Variants in ARHGEF3 observed in about 807,000 individuals in gnomAD.
ARHGEF3 encodes Rho guanine nucleotide exchange factor 3, also known as 59.8 kDA protein.
In ARHGEF3, 28 loss-of-function variants were observed where a neutral mutation model predicts 63.2. The ratio of observed to expected loss-of-function variants is 0.44; its 90% CI spans 0.33 to 0.61. The LOEUF is 0.61. Ranked by LOEUF, ARHGEF3 falls within the 20% of genes least tolerant of loss-of-function variation. The pLI, the probability that ARHGEF3 is intolerant of heterozygous loss-of-function variation, is 0.03. For synonymous variants in ARHGEF3, 266 were observed against 254.2 expected (o/e 1.05, Z -0.44); for missense variants, 533 against 659.3 (o/e 0.81, Z 2.10).
In ARHGEF3 at chr3:56,733,472, T is replaced by TA. The variant is rs998501436; in HGVS notation, c.1042-1049dup. Among the ~76,000 whole-genome samples, 190 of 139,458 alleles carry TA rather than the reference T, an allele frequency of 1.4e-3. 1 individual carries two copies. Among genetic ancestry groups the TA allele is most frequent in the Non-Finnish European group, 1.7e-3 (106 of 63,788 alleles). The allele number at this position is 139,458 out of a possible 152,430, so 91.5% of individuals were successfully genotyped here. ...GCCTGGGTGACAGAGCAAGACTGTT[T>TA]AAAAAAAAAAAGAAAAAAATTCTAA... On this transcript the variant is annotated intron_variant, in intron 8 of 9. Coordinates refer to ENST00000296315, the MANE Select transcript of ARHGEF3 (RefSeq NM_019555.3).
chr3:57,024,551 G>C (rs1046922999), intron 2 of ARHGEF3, among the ~76,000 whole-genome samples: 2 of 152,008 alleles, frequency 1.3e-5, no homozygotes, highest in South Asian at 2.1e-4. Flanking sequence ...GCAGTGGTGC[G>C]ATCTCGGCTC....
intron 1 of ARHGEF3, among the ~76,000 whole-genome samples, chr3:57,037,689 A>G (rs1267424702): frequency 6.6e-6 from 1 of 152,190 alleles, no homozygotes; most frequent in African/African-American, 2.4e-5. Context: ...CCTGGCTAAC[A>G]CGGTGAAAAC....
chr3:57,035,405 A>C (rs1054151635), intron 1 of ARHGEF3, among the ~76,000 whole-genome samples: 19 of 152,184 alleles, frequency 1.2e-4, no homozygotes, highest in Admixed American at 8.5e-4. Flanking sequence ...GCTGCAGTGC[A>C]GTGGCACAAT....
intron 1 of ARHGEF3, among the ~76,000 whole-genome samples, chr3:56,799,585 C>A (rs1013108950): frequency 3.3e-5 from 5 of 152,206 alleles, no homozygotes; most frequent in African/African-American, 1.2e-4. Context: ...AAAAGGCTGA[C>A]AAGCGAATGC....
At chr3:56,926,843 T>C (rs1027323207) in intron 3 of ARHGEF3, among the ~76,000 whole-genome samples, 12 of 149,656 alleles carry the variant, frequency 8.0e-5, no homozygotes, top group African/African-American at 2.9e-4. Flanking sequence ...ACAAAGAGCC[T>C]CCTGGGTTGG....
At chr3:57,078,965 C>T (rs2107439906) in intron 1 of ARHGEF3, 1 of 325,498 alleles carries the variant, frequency 3.1e-6, no homozygotes, top group South Asian at 1.6e-4. Flanking sequence ...CACTGCCCAC[C>T]TGCGCTGCGC....
At chr3:56,966,971 C>G (rs1206520429) in intron 2 of ARHGEF3, among the ~76,000 whole-genome samples, 2 of 150,804 alleles carry the variant, frequency 1.3e-5, no homozygotes, top group African/African-American at 2.4e-5. Flanking sequence ...TCAAGTGATT[C>G]TCCTACCTCA....
chr3:57,020,301 T>A (rs1156887562), intron 2 of ARHGEF3, among the ~76,000 whole-genome samples: 1 of 152,134 alleles, frequency 6.6e-6, no homozygotes, highest in Non-Finnish European at 1.5e-5. Flanking sequence ...CCCTGCCACC[T>A]CCCCTCTCAC....
intron 3 of ARHGEF3, chr3:56,938,618 T>C (rs999860414): frequency 2.6e-5 from 4 of 152,184 alleles, no homozygotes; most frequent in African/African-American, 7.2e-5. Context: ...GCACGTAACA[T>C]ACATGAGGCC....
At chr3:57,067,292 A>C (rs1293522284) in intron 1 of ARHGEF3, among the ~76,000 whole-genome samples, 2 of 151,718 alleles carry the variant, frequency 1.3e-5, no homozygotes, top group Non-Finnish European at 2.9e-5. Flanking sequence ...TCTTCTAAAA[A>C]TACAAAAACA....
intron 2 of ARHGEF3, among the ~76,000 whole-genome samples, chr3:56,992,022 CTCTGTGTGTG>C (rs1439171026): frequency 1.4e-5 from 1 of 71,102 alleles, no homozygotes; most frequent in Non-Finnish European, 2.7e-5. Flanking sequence ...CCCCTCCTCT[CTCTGTGTGTG>C]TGTGTGTGTG....
At chr3:56,762,257 G>C (rs1054791267) in intron 2 of ARHGEF3, among the ~76,000 whole-genome samples, 13 of 152,144 alleles carry the variant, frequency 8.5e-5, no homozygotes, top group Non-Finnish European at 1.5e-4. Flanking sequence ...CCTGGGTGTG[G>C]GGATGCTGGG....
At chr3:57,068,799 C>T (rs1283390861) in intron 1 of ARHGEF3, among the ~76,000 whole-genome samples, 1 of 152,100 alleles carries the variant, frequency 6.6e-6, no homozygotes, top group African/African-American at 2.4e-5. Flanking sequence ...TGTTTTTCCC[C>T]TAACTTTCCA....
intron 1 of ARHGEF3, among the ~76,000 whole-genome samples, chr3:57,056,247 T>G (rs562746319): frequency 6.6e-6 from 1 of 151,626 alleles, no homozygotes; most frequent in South Asian, 2.1e-4. Context: ...ATTAGCCAGG[T>G]GTGACAGCAC....
At chr3:56,914,498 G>A (rs1318007393) in intron 3 of ARHGEF3, among the ~76,000 whole-genome samples, 1 of 152,222 alleles carries the variant, frequency 6.6e-6, no homozygotes. Context: ...TTGTAATACA[G>A]AGGGTAGTTT....
chr3:56,796,609 C>G (rs949469787), intron 1 of ARHGEF3, among the ~76,000 whole-genome samples: 1 of 152,176 alleles, frequency 6.6e-6, no homozygotes, highest in African/African-American at 2.4e-5. Flanking sequence ...TACCCAGACA[C>G]TCAGGAAAAA....
intron 6 of ARHGEF3, among the ~76,000 whole-genome samples, chr3:56,749,722 T>G (rs2034611010): frequency 6.6e-6 from 1 of 152,226 alleles, no homozygotes; most frequent in Non-Finnish European, 1.5e-5. Flanking sequence ...TCTTGAAATA[T>G]TAAGGCATAT....
rs2032845373 is a variant in ARHGEF3 at position 56,728,065 on chromosome 3, A to C, written c.*1205T>G. On this transcript the variant is annotated 3_prime_UTR_variant, in exon 10 of 10. Transcript: ENST00000296315. The stretch of plus-strand genomic sequence containing the variant: ...CTCTTCTAGGTACTTAGCTGTTTTT[A>C]AGGTCTGCACTTTACCCTGCACTGT... 1 of 152,664 alleles carries C rather than the reference A, an allele frequency of 6.6e-6. No homozygotes were observed. The highest frequency in any genetic ancestry group is 1.5e-5 in the Non-Finnish European group (1 of 68,050). The allele number at this position is 152,664 out of a possible 1,614,324, so 9.5% of individuals were successfully genotyped here.
intron 4 of ARHGEF3, among the ~76,000 whole-genome samples, chr3:56,826,867 T>C (rs2038732295): frequency 6.6e-6 from 1 of 152,258 alleles, no homozygotes; most frequent in South Asian, 2.1e-4. Context: ...ATATTCTTCA[T>C]ATGCCAACTC....
Sources: allele counts gnomAD v4.1 joint callset (sites outside exome capture counted in the v4.1 genomes callset), GRCh38; gene constraint gnomAD v4.1.1; transcripts MANE v1.5; gene names NCBI Gene and HGNC (gene_info 2026-07-23, HGNC 2026-07-21).